UBL3: variants seen among roughly 807,000 people sequenced by gnomAD.
The protein encoded by UBL3 is ubiquitin-like protein 3.
Under a neutral mutation model 18.4 loss-of-function variants are expected in UBL3, and 6 were observed. The observed-to-expected ratio is 0.33, with a 90% CI of 0.18 to 0.64. The LOEUF is 0.64. Ranked by LOEUF, UBL3 falls within the 30% of genes least tolerant of loss-of-function variation. UBL3 has a pLI of 0.76. For missense variants in UBL3, 109 were observed against 142.9 expected, an observed-to-expected ratio of 0.76 and a Z score of 1.21; for synonymous variants, 49 against 46.6, an observed-to-expected ratio of 1.05 and a Z score of -0.21.
intron 1 of UBL3, among the ~76,000 whole-genome samples, chr13:29,805,583 C>CT (rs1454953739): frequency 9.9e-5 from 15 of 152,070 alleles, no homozygotes; most frequent in African/African-American, 3.6e-4. Context: ...TCTCCTTTAA[C>CT]TTGGGGGGAA....
intron 2 of UBL3, among the ~76,000 whole-genome samples, chr13:29,775,929 A>T (rs1303202156): frequency 6.6e-6 from 1 of 151,886 alleles, no homozygotes; most frequent in Non-Finnish European, 1.5e-5. Context: ...CGGTCTTATT[A>T]TATAAAAAAA....
chr13:29,806,258 A>G (rs1221664453), intron 1 of UBL3, among the ~76,000 whole-genome samples: 1 of 152,228 alleles, frequency 6.6e-6, no homozygotes, highest in East Asian at 1.9e-4. Flanking sequence ...CTAGCATCCA[A>G]TTACATAAAA....
intron 3 of UBL3, among the ~76,000 whole-genome samples, chr13:29,768,637 G>A (rs923828861): frequency 6.6e-6 from 1 of 151,954 alleles, no homozygotes; most frequent in Non-Finnish European, 1.5e-5. Flanking sequence ...TTCAACACTA[G>A]TACTATTTCA....
intron 1 of UBL3, among the ~76,000 whole-genome samples, chr13:29,823,225 C>T (rs555114300): frequency 1.3e-5 from 2 of 152,168 alleles, no homozygotes; most frequent in African/African-American, 2.4e-5. Flanking sequence ...TCACTGCAAC[C>T]TCCATCTCCC....
intron 3 of UBL3, among the ~76,000 whole-genome samples, chr13:29,771,649 C>T (rs1876843630): frequency 1.3e-5 from 2 of 151,998 alleles, no homozygotes. Context: ...TCTGTTCTTT[C>T]AACTATTATG....
chr13:29,806,397 C>G (rs1877900501), intron 1 of UBL3, among the ~76,000 whole-genome samples: 2 of 152,080 alleles, frequency 1.3e-5, no homozygotes, highest in Admixed American at 1.3e-4. Context: ...ATATCTAATG[C>G]CGGCCTGGAA....
chr13:29,784,110 AT>A (rs1877246853), intron 1 of UBL3, among the ~76,000 whole-genome samples: 1 of 152,228 alleles, frequency 6.6e-6, no homozygotes, highest in African/African-American at 2.4e-5. Context: ...AGTTAGAACC[AT>A]TTTTAGTCAA....
chr13:29,803,473 A>G (rs1178011987), intron 1 of UBL3, among the ~76,000 whole-genome samples: 1 of 152,224 alleles, frequency 6.6e-6, no homozygotes, highest in African/African-American at 2.4e-5. Context: ...TGCCCCAATT[A>G]AAAGGCATAG....
chr13:29,774,454 C>T (rs1030566532), intron 2 of UBL3, among the ~76,000 whole-genome samples: 2 of 152,006 alleles, frequency 1.3e-5, no homozygotes, highest in Non-Finnish European at 2.9e-5. Flanking sequence ...CTTAGAACAA[C>T]ATCATTCTTG....
Position 29,777,952 on chromosome 13 carries a change from A to T in UBL3, c.28-689T>A, listed in dbSNP as rs186696685. Among the ~76,000 whole-genome samples the T allele has an allele frequency of 4.7e-3, 714 of 152,212 alleles. 3 individuals are homozygous for T. Among genetic ancestry groups the T allele is most frequent in the Non-Finnish European group, 7.5e-3 (513 of 68,022 alleles). On this transcript the variant is annotated intron_variant, in intron 1 of 4. Coordinates refer to ENST00000380680, the MANE Select transcript of UBL3 (RefSeq NM_007106.4). ...CAGCTAATTTTTGTGTTTTTAGTAG[A>T]GATGAGGTTTCACTATGTTGGCCAG...
At chr13:29,784,069 C>A (rs904839633) in intron 1 of UBL3, among the ~76,000 whole-genome samples, 1 of 152,170 alleles carries the variant, frequency 6.6e-6, no homozygotes, top group African/African-American at 2.4e-5. Flanking sequence ...CCAATGGATA[C>A]AACAAGAACT....
chr13:29,803,995 ATTC>A (rs1877839359), intron 1 of UBL3, among the ~76,000 whole-genome samples: 1 of 151,952 alleles, frequency 6.6e-6, no homozygotes, highest in East Asian at 1.9e-4. Flanking sequence ...CAGAATGTAT[ATTC>A]TTCAGAATAT....
At chr13:29,815,172 G>C (rs1878236383) in intron 1 of UBL3, among the ~76,000 whole-genome samples, 1 of 152,102 alleles carries the variant, frequency 6.6e-6, no homozygotes, top group Non-Finnish European at 1.5e-5. Context: ...CAGAAATCCT[G>C]TGTCACTGGG....
intron 2 of UBL3, among the ~76,000 whole-genome samples, chr13:29,773,908 T>C (rs922997249): frequency 1.3e-5 from 2 of 152,200 alleles, no homozygotes; most frequent in African/African-American, 4.8e-5. Flanking sequence ...TTGCACGAAG[T>C]ATTTTCTGCT....
chr13:29,806,721 C>T (rs537824017), intron 1 of UBL3, among the ~76,000 whole-genome samples: 12 of 152,190 alleles, frequency 7.9e-5, no homozygotes, highest in African/African-American at 2.9e-4. Context: ...ATTTTCCTCA[C>T]TCCAAAACTG....
At chr13:29,833,806 G>A (rs993851646) in intron 1 of UBL3, among the ~76,000 whole-genome samples, 1 of 152,058 alleles carries the variant, frequency 6.6e-6, no homozygotes, top group African/African-American at 2.4e-5. Flanking sequence ...AACTCTATTA[G>A]GAGAAGGATT....
chr13:29,773,193 T>C (rs1278419331), intron 2 of UBL3, among the ~76,000 whole-genome samples: 1 of 152,206 alleles, frequency 6.6e-6, no homozygotes, highest in African/African-American at 2.4e-5. Flanking sequence ...ACTTTTCTTT[T>C]GCCCTTTTTT....
chr13:29,824,710 A>T (rs565246421), intron 1 of UBL3, among the ~76,000 whole-genome samples: 14 of 152,240 alleles, frequency 9.2e-5, no homozygotes, highest in Admixed American at 5.9e-4. Flanking sequence ...CTTTAGTTTA[A>T]TTAGATCCCA....
chr13:29,840,015 G>C (rs1006596611), intron 1 of UBL3, among the ~76,000 whole-genome samples: 2 of 150,616 alleles, frequency 1.3e-5, no homozygotes, highest in Non-Finnish European at 3.0e-5. Context: ...ACTTTTAAAA[G>C]TACAGAAAAT....
Sources: gnomAD v4.1 joint callset for allele counts (sites outside exome capture counted in the v4.1 genomes callset) on GRCh38, gnomAD v4.1.1 for gene constraint, MANE v1.5 for transcripts, NCBI Gene and HGNC (gene_info 2026-07-23, HGNC 2026-07-21) for gene names.